Variants in BAG6 observed in about 807,000 individuals in gnomAD.
The protein encoded by BAG6 is BAG cochaperone 6.
BAG6 carries 22 observed loss-of-function variants against 121.0 expected under a neutral mutation model. The ratio of observed to expected loss-of-function variants is 0.18; its 90% CI spans 0.13 to 0.26. The LOEUF (loss-of-function observed/expected upper bound fraction) is 0.26. BAG6 is among the 10% of genes least tolerant of loss of function. The pLI is 1.00. For missense variants in BAG6, 1,233 were observed against 1,537.7 expected (o/e 0.80, Z 3.31); for synonymous variants, 583 against 584.6 (o/e 1.00, Z 0.04).
intron 25 of BAG6, 21 bp from the exon 26 acceptor site, chr6:31,639,247 G>A (rs747600096): frequency 3.1e-6 from 5 of 1,605,376 alleles, no homozygotes; most frequent in Admixed American, 3.4e-5. Context: ...AAAGTAAGCA[G>A]GTTGGAGAAA....
At position 31,647,799 on chromosome 6, in the gene BAG6, T is replaced by C. The variant is rs759564926; in HGVS notation, c.580A>G (p.Ser194Gly). ...ECRGGPQPQH[S>G]QPPPQPPAVT... ...GCCGGTGGCTGCGGGGGCGGCTGAC[T>C]GTGCTGCGGTTGGGGCCCTCCTCGA... The change falls in exon 7 of 26, where the codon AGT becomes GGT. Residue 194 changes from serine (S) to glycine (G), a missense_variant. Physicochemically the swap from Ser to Gly is moderately conservative, Grantham distance 56. This residue lies in a region of BAG6 where 777 missense variants were observed against 861.4 expected (regional missense o/e 0.90). Coordinates refer to ENST00000676615, the MANE Select transcript of BAG6 (RefSeq NM_001387994.1). 2 of 1,569,702 alleles carry C rather than the reference T, an allele frequency of 1.3e-6. No homozygotes were observed. The highest frequency in any genetic ancestry group is 2.4e-5 in the South Asian group (2 of 84,058).
At chr6:31,651,569 A>C in intron 2 of BAG6, 87 bp downstream of exon 2, 1 of 1,209,242 alleles carries the variant, frequency 8.3e-7, no homozygotes, top group Non-Finnish European at 1.2e-6. Flanking sequence ...AAATCTGGTG[A>C]CCAGAAAATC....
At chr6:31,651,118 G>A (rs1796199850) in intron 2 of BAG6, among the ~76,000 whole-genome samples, 1 of 152,212 alleles carries the variant, frequency 6.6e-6, no homozygotes, top group African/African-American at 2.4e-5. Context: ...ATGACACACA[G>A]ATTCTTCCTT....
chr6:31,649,654 T>C lies in BAG6; in HGVS notation c.109-27A>G, dbSNP rs747350278. ...TGAAAAGAAGAGGCATGCACAGGAATGGAAAGAATGGAGGAAAGAGGAAGA... is the reference window on the plus strand; with the variant it reads ...TGAAAAGAAGAGGCATGCACAGGAACGGAAAGAATGGAGGAAAGAGGAAGA... On this transcript the variant is annotated intron_variant, in intron 2 of 25. Transcript: ENST00000676615. The C allele has an allele frequency of 1.9e-6, 3 of 1,586,172 alleles. No individual in the cohort carries two copies. In the Admixed American group the frequency reaches 5.0e-5, roughly 27 times the overall value.
chr6:31,646,255 G>A, intron 8 of BAG6, 139 bp downstream of exon 8: 3 of 1,317,118 alleles, frequency 2.3e-6, no homozygotes, highest in Non-Finnish European at 3.1e-6. Flanking sequence ...CAAAGTGCTG[G>A]GATTACAGGC....
intron 1 of BAG6, 85 bp downstream of exon 1, chr6:31,652,338 CA>C (rs1297786422): frequency 8.0e-5 from 12 of 150,452 alleles, no homozygotes; most frequent in African/African-American, 3.0e-4. Flanking sequence ...CACACACACA[CA>C]CACACACACA....
At chr6:31,650,059 T>G (rs1294590263) in intron 2 of BAG6, among the ~76,000 whole-genome samples, 1 of 151,710 alleles carries the variant, frequency 6.6e-6, no homozygotes, top group African/African-American at 2.4e-5. Context: ...CGAGATCGCA[T>G]CACTACACTC....
At chr6:31,639,322 C>G in intron 25 of BAG6, 96 bp from the exon 26 acceptor site, 1 of 1,456,534 alleles carries the variant, frequency 6.9e-7, no homozygotes, top group Non-Finnish European at 9.5e-7. Flanking sequence ...TAACATTTCC[C>G]CCCCCAAGCA....
intron 7 of BAG6, among the ~76,000 whole-genome samples, chr6:31,647,340 A>C (rs1790886475): frequency 2.0e-5 from 3 of 152,216 alleles, no homozygotes. Flanking sequence ...TCGTGAACTC[A>C]GAGGAGAATT....
Position 31,649,343 on chromosome 6 carries a change from G to T in BAG6, c.279C>A (p.His93Gln). Residue 93 changes from histidine (H) to glutamine (Q), a missense_variant, in exon 4 of 26, where the codon CAC becomes CAA. By Grantham distance (24) the His-to-Gln change is conservative. Transcript: ENST00000676615. ...TCCCAGAAGATGCCCCAGAAGGGAGGTGAGTCTGAGGAGGAGCCCGTTCCA... is the reference window on the plus strand; with the variant it reads ...TCCCAGAAGATGCCCCAGAAGGGAGTTGAGTCTGAGGAGGAGCCCGTTCCA... ...HLVERAPPQT[H>Q]LPSGASSGTG... 6.2e-7 allele frequency: 1 copy of T among 1,612,934 alleles called. No homozygotes were observed. Among genetic ancestry groups the T allele is most frequent in the East Asian group, 2.2e-5 (1 of 44,886 alleles).
intron 5 of BAG6, 25 bp from the exon 6 acceptor site, chr6:31,648,776 G>A (rs1793070101): frequency 1.9e-6 from 3 of 1,613,398 alleles, no homozygotes; most frequent in Non-Finnish European, 1.7e-6. Context: ...GGTTTATCAG[G>A]GTAGGTTACA....
chr6:31,650,403 T>C (rs778652965), intron 2 of BAG6, among the ~76,000 whole-genome samples: 25 of 152,208 alleles, frequency 1.6e-4, no homozygotes, highest in Non-Finnish European at 3.2e-4. Context: ...GGCTCACACC[T>C]GTAATCCCAG....
chr6:31,647,561 C>T (rs1300031174), intron 7 of BAG6, 30 bp downstream of exon 7: 11 of 1,607,928 alleles, frequency 6.8e-6, no homozygotes, highest in Non-Finnish European at 9.3e-6. Context: ...TAGGATTCCC[C>T]ACCCACTAAA....
chr6:31,642,888 T>G lies in BAG6; in HGVS notation c.1984A>C (p.Ile662Leu). ...AGGSGVASPT[I>L]TVAMPGVPAF... The stretch of plus-strand genomic sequence containing the variant: ...GGGACACCAGGCATCGCCACAGTGA[T>G]GGTGGGAGAAGCCACACCAGACCCT... Residue 662 changes from isoleucine (I) to leucine (L), a missense_variant, in exon 15 of 26, where the codon ATC (isoleucine) becomes CTC (leucine). Ile to Leu is a conservative substitution (Grantham distance 5). This residue lies in a region of BAG6 where 777 missense variants were observed against 861.4 expected (regional missense o/e 0.90). Coordinates refer to ENST00000676615, the MANE Select transcript of BAG6 (RefSeq NM_001387994.1). 1 of 1,611,940 alleles carries G rather than the reference T, an allele frequency of 6.2e-7. No homozygotes were observed. The highest frequency in any genetic ancestry group is 1.3e-5 in the African/African-American group (1 of 75,006).
In BAG6 at chr6:31,645,216, A is replaced by C. The variant is rs761486561; in HGVS notation, c.1117-18T>G. The C allele has an allele frequency of 6.2e-7, 1 of 1,604,588 alleles. No individual in the cohort carries two copies. Among genetic ancestry groups the C allele is most frequent in the South Asian group, 1.1e-5 (1 of 90,202 alleles). ...ACATTGATCTGAAAAAGACAGATGG[A>C]CAGGCAGATGTGAGAAAAATACAAG... is the stretch of plus-strand genomic sequence containing the variant. On this transcript the variant is annotated intron_variant, in intron 9 of 25. Transcript: ENST00000676615.
intron 24 of BAG6, 139 bp from the exon 25 acceptor site, chr6:31,639,785 G>T: frequency 9.0e-7 from 1 of 1,112,668 alleles, no homozygotes; most frequent in Non-Finnish European, 1.2e-6. Context: ...AGTCCAGGAT[G>T]TGGTTTTTAC....
chr6:31,639,331 C>G (rs151284021), intron 25 of BAG6, 105 bp from the exon 26 acceptor site: 54 of 1,445,862 alleles, frequency 3.7e-5, no homozygotes, highest in Non-Finnish European at 5.1e-5. Flanking sequence ...CCCCCCCAAG[C>G]ACACTGTCAA....
Position 31,641,893 on chromosome 6 carries a change from G to A in BAG6, c.2388C>T (p.Asp796=), listed in dbSNP as rs779854432. 1.6e-5 allele frequency: 25 copies of A among 1,612,854 alleles called. No individual in the cohort carries two copies. Among genetic ancestry groups the A allele is most frequent in the East Asian group, 2.2e-5 (1 of 44,888 alleles). ...AATGCCCATGGAGAAGCATCACTAC[G>A]TCCACCATAGAGAAGTTCTGGCACA... The part of the protein sequence containing the change: ...SLLCQNFSMV[D]VVMLLHGHFQ... The change falls in exon 17 of 26, where the codon GAC becomes GAT. Residue 796 remains aspartate, a synonymous_variant. Coordinates refer to ENST00000676615, the MANE Select transcript of BAG6 (RefSeq NM_001387994.1). The surrounding 1 kb of genome is among the most constrained non-coding windows in gnomAD (Gnocchi z 5.7).
In BAG6 at chr6:31,648,320, C is replaced by CA. The variant is rs1163309559; in HGVS notation, c.552+356dup. Among the ~76,000 whole-genome samples, 7 of 152,224 alleles carry CA rather than the reference C, an allele frequency of 4.6e-5. No homozygotes were observed. The East Asian group carries it at 1.3e-3, about 29-fold the overall frequency. On this transcript the variant is annotated intron_variant, in intron 6 of 25. Transcript: ENST00000676615. ...CAGGAGCCACCACACCCGGCCACAG[C>CA]ATCTGTAATATTTGTAAATAAATTT...
Sources: allele counts gnomAD v4.1 joint callset (sites outside exome capture counted in the v4.1 genomes callset), GRCh38; gene constraint gnomAD v4.1.1; regional missense constraint gnomAD v4.1.1; non-coding constraint Gnocchi (gnomAD v3.1); transcripts MANE v1.5; gene names NCBI Gene and HGNC (gene_info 2026-07-23, HGNC 2026-07-21).